CEP72: variants seen among roughly 807,000 people sequenced by gnomAD.
The protein encoded by CEP72 is centrosomal protein 72.
CEP72 carries 78 observed loss-of-function variants against 65.7 expected under a neutral mutation model. The ratio of observed to expected loss-of-function variants is 1.19; its 90% CI spans 0.99 to 1.43. The LOEUF is 1.43. Ranked by LOEUF, CEP72 falls within the 40% of genes most tolerant of loss-of-function variation. The pLI is 0.00. For synonymous variants in CEP72, 358 were observed against 351.7 expected (o/e 1.02, Z -0.20); for missense variants, 914 against 832.9 (o/e 1.10, Z -1.20).
At chr5:675,845 A>G in the CEP72 span, 1 of 152,224 alleles carries the variant, frequency 6.6e-6, no homozygotes, top group African/African-American at 2.4e-5. Flanking sequence ...ATGACTACCT[A>G]CACAGAGGGG....
Position 653,148 on chromosome 5 carries a change from T to G in CEP72, c.1939T>G (p.Cys647Gly), listed in dbSNP as rs772163573. 1.4e-5 allele frequency: 23 copies of G among 1,601,358 alleles called. No individual in the cohort carries two copies. In the East Asian group the frequency reaches 1.8e-4, roughly 12 times the overall value. ...SSASHGGCQA[C>G] is the part of the protein sequence containing the mutation. ...CGCCAGCCATGGAGGCTGCCAGGCC[T>G]GCTGACTCCTGCCGAGAAGCTGGGC... The change falls in exon 12 of 12, where the codon TGC (cysteine) becomes GGC (glycine). Residue 647 changes from cysteine to glycine, a missense_variant. Physicochemically the swap from Cys to Gly is radical, Grantham distance 159 (BLOSUM62 -3). Transcript: ENST00000264935.
downstream of CEP72, among the ~76,000 whole-genome samples, chr5:655,852 T>C (rs1739364475): frequency 1.3e-5 from 2 of 152,244 alleles, no homozygotes; most frequent in African/African-American, 4.8e-5. This position sits in a 1 kb window ranked among gnomAD's most constrained non-coding sequence, Gnocchi z 5.0. Context: ...GTGAATTACA[T>C]TTGCAAATAG....
downstream of CEP72, among the ~76,000 whole-genome samples, chr5:672,006 CACACA>C (rs1466651277): frequency 1.3e-5 from 2 of 152,224 alleles, no homozygotes; most frequent in African/African-American, 4.8e-5. Flanking sequence ...GAGGACGTCA[CACACA>C]GTGCTCTGAG....
chr5:674,958 C>T, the CEP72 span, among the ~76,000 whole-genome samples: 1 of 150,270 alleles, frequency 6.7e-6, no homozygotes, highest in Non-Finnish European at 1.5e-5. Flanking sequence ...GGAGGTGCAG[C>T]CCTGAGAGTC....
At chr5:641,833 T>C (rs1021513503) in intron 9 of CEP72, 1 of 982,024 alleles carries the variant, frequency 1.0e-6, no homozygotes, top group Non-Finnish European at 1.2e-6. Flanking sequence ...CAGAAGCCTC[T>C]GCATTTAAGC....
intron 7 of CEP72, among the ~76,000 whole-genome samples, chr5:638,745 T>C (rs1737795866): frequency 6.6e-6 from 1 of 152,144 alleles, no homozygotes. Flanking sequence ...GGCTGCTTCC[T>C]GGGCAGCTCC....
intron 11 of CEP72, 146 bp downstream of exon 11, chr5:648,062 T>G: frequency 1.6e-6 from 1 of 612,130 alleles, no homozygotes; most frequent in South Asian, 2.0e-5. Context: ...CCACTGCTGA[T>G]TTGAAACTTT....
At chr5:670,429 C>CCT (rs948352047), downstream of CEP72, among the ~76,000 whole-genome samples, 1 of 152,130 alleles carries the variant, frequency 6.6e-6, no homozygotes, top group Non-Finnish European at 1.5e-5. Context: ...GGGGAAACAG[C>CCT]CTCTCCCTGT....
At chr5:634,094 G>C (rs59132999) in intron 5 of CEP72, 147 bp downstream of exon 5, 16 of 693,058 alleles carry the variant, frequency 2.3e-5, no homozygotes, top group Non-Finnish European at 3.5e-5. Context: ...GTGTGCTTTC[G>C]AATGCCAGCC....
chr5:672,259 G>A, the CEP72 span, among the ~76,000 whole-genome samples: 3 of 152,176 alleles, frequency 2.0e-5, no homozygotes, highest in Non-Finnish European at 4.4e-5. Context: ...GGCAACCGCA[G>A]ACCCCAGGGA....
At position 646,867 on chromosome 5, in the gene CEP72, G is replaced by A. The variant is rs113725203; in HGVS notation, c.1667-938G>A. Among the ~76,000 whole-genome samples the A allele has an allele frequency of 5.9e-3, 896 of 152,308 alleles. 3 individuals carry two copies. Among genetic ancestry groups the A allele is most frequent in the South Asian group, 0.011 (54 of 4,820 alleles). Reference sequence around the variant, plus strand: ...ATGATGTGTGACTTGTGGCCTCTGGGGGTTTGTCCCAGCCTCTTGTGTTTG... The same window carrying A: ...ATGATGTGTGACTTGTGGCCTCTGGAGGTTTGTCCCAGCCTCTTGTGTTTG... On this transcript the variant is annotated intron_variant, in intron 10 of 11. Transcript: ENST00000264935.
the CEP72 span, among the ~76,000 whole-genome samples, chr5:672,374 C>T: frequency 6.6e-5 from 10 of 152,356 alleles, no homozygotes; most frequent in East Asian, 1.5e-3. Context: ...AGTATCCACC[C>T]AGGTGTCTAT....
At chr5:673,496 T>TGGCCC in the CEP72 span, among the ~76,000 whole-genome samples, 2 of 152,050 alleles carry the variant, frequency 1.3e-5, no homozygotes, top group Non-Finnish European at 2.9e-5. Flanking sequence ...TGGCCTCCCC[T>TGGCCC]CAGGCCGGAG....
intron 11 of CEP72, among the ~76,000 whole-genome samples, chr5:650,488 G>A (rs1255077553): frequency 1.9e-5 from 1 of 52,080 alleles, no homozygotes; most frequent in Non-Finnish European, 3.5e-5. Context: ...TGTGAGGTGT[G>A]GACTGTGAGG....
chr5:675,047 ATGGCTGGGGGTGCAGTG>A, the CEP72 span, among the ~76,000 whole-genome samples: 1 of 24,396 alleles, frequency 4.1e-5, no homozygotes, highest in Non-Finnish European at 7.2e-5. Context: ...GGGGTACAGT[ATGGCTGGGGGTGCAGTG>A]TGGCCAGGGG....
intron 4 of CEP72, among the ~76,000 whole-genome samples, chr5:632,898 T>C (rs59353518): frequency 0.019 from 810 of 42,190 alleles, no homozygotes; most frequent in Middle Eastern, 0.043. Flanking sequence ...TTGGACCAGT[T>C]CTGGTGGGGT....
Position 635,594 on chromosome 5 carries a change from C to A in CEP72, c.904+10C>A, listed in dbSNP as rs1697985. 6.3e-7 allele frequency: 1 copy of A among 1,597,808 alleles called. No individual in the cohort carries two copies. The highest frequency in any genetic ancestry group is 8.6e-7 in the Non-Finnish European group (1 of 1,166,390). The stretch of plus-strand genomic sequence containing the variant: ...TTCACCCCACACCCAGGTACTTACG[C>A]GTGTCTTAGTCTGTTTTCTGTTGCT... On this transcript the variant is annotated intron_variant, in intron 6 of 11. Transcript: ENST00000264935.
downstream of CEP72, among the ~76,000 whole-genome samples, chr5:653,955 TCTGTGTGTGTGTGTGCCCTTG>T (rs202205821): frequency 3.4e-4 from 52 of 150,874 alleles, no homozygotes; most frequent in East Asian, 4.3e-3. Flanking sequence ...CTGTGCTAGC[TCTGTGTGTGTGTGTGCCCTTG>T]CTGTGTGTGT....
intron 1 of CEP72, among the ~76,000 whole-genome samples, chr5:618,004 G>A (rs1736106267): frequency 6.6e-6 from 1 of 152,160 alleles, no homozygotes; most frequent in Non-Finnish European, 1.5e-5. Flanking sequence ...GACTGCTTAT[G>A]GGGTGCGTGG....
Sources: gnomAD v4.1 joint callset for allele counts (sites outside exome capture counted in the v4.1 genomes callset) on GRCh38, gnomAD v4.1.1 for gene constraint, Gnocchi (gnomAD v3.1) non-coding constraint, MANE v1.5 for transcripts, NCBI Gene and HGNC (gene_info 2026-07-23, HGNC 2026-07-21) for gene names.